Variants in NR5A2 observed in about 807,000 individuals in gnomAD.
The protein encoded by NR5A2 is nuclear receptor subfamily 5 group A member 2, also known as CYP7A promoter-binding factor.
NR5A2 carries 26 observed loss-of-function variants against 62.7 expected under a neutral mutation model. That is an observed-to-expected ratio of 0.41 (90% CI 0.30 to 0.58). The LOEUF is 0.58. Among genes scored for constraint, NR5A2 ranks in the 20% least tolerant of loss-of-function variants. NR5A2 has a pLI of 0.22. For synonymous variants in NR5A2, 246 were observed against 241.7 expected (o/e 1.02, Z -0.16); for missense variants, 541 against 669.1 (o/e 0.81, Z 2.11).
intron 5 of NR5A2, among the ~76,000 whole-genome samples, chr1:200,096,579 T>G (rs1419695004): frequency 2.0e-5 from 3 of 152,176 alleles, no homozygotes. Context: ...TTGGCTGAAT[T>G]ACCTTATTGT....
intron 5 of NR5A2, among the ~76,000 whole-genome samples, chr1:200,109,793 C>G (rs1665854149): frequency 6.6e-6 from 1 of 152,192 alleles, no homozygotes; most frequent in African/African-American, 2.4e-5. Context: ...GAGATGGAAT[C>G]TTGCTCTGTC....
intron 5 of NR5A2, among the ~76,000 whole-genome samples, chr1:200,061,506 G>A (rs936444318): frequency 1.3e-5 from 2 of 152,016 alleles, no homozygotes; most frequent in Non-Finnish European, 2.9e-5. Flanking sequence ...TTGAACTCCC[G>A]ACCTCAGGTG....
intron 5 of NR5A2, among the ~76,000 whole-genome samples, chr1:200,068,127 C>T (rs920699516): frequency 6.6e-6 from 1 of 152,064 alleles, no homozygotes; most frequent in Non-Finnish European, 1.5e-5. Flanking sequence ...TAAGCTTTAT[C>T]TTCAATTCTT....
chr1:200,096,796 C>T (rs1385457217), intron 5 of NR5A2, among the ~76,000 whole-genome samples: 1 of 152,156 alleles, frequency 6.6e-6, no homozygotes, highest in South Asian at 2.1e-4. Context: ...AACACAAATA[C>T]TTACCATTAT....
chr1:200,121,001 A>G (rs749119295), intron 7 of NR5A2, 46 bp downstream of exon 7: 9 of 1,602,812 alleles, frequency 5.6e-6, no homozygotes, highest in Non-Finnish European at 6.8e-6. Flanking sequence ...CGATTGCTAA[A>G]TGATGTTGAA....
rs1060061 is a variant in NR5A2, at chr1:200,174,314, T to C, written c.*104T>C. 662,147 of 1,206,380 alleles carry C rather than the reference T, an allele frequency of 0.55. 187,440 individuals are homozygous for C. Among genetic ancestry groups the C allele is most frequent in the African/African-American group, 0.67 (43,536 of 65,088 alleles). 74.7% of individuals were successfully genotyped at this position (1,206,380 alleles called of 1,614,324 possible). A position where few individuals can be genotyped will look rare whatever the true frequency, so the allele number is the denominator to read the frequency against. On this transcript the variant is annotated 3_prime_UTR_variant, in exon 8 of 8. Transcript: ENST00000367362. ...AAAAAGTACTCTGAACTGCTCCAAGTAACGCTAATTAAAAACTTGCTTTAA... is the reference window on the plus strand; with the variant it reads ...AAAAAGTACTCTGAACTGCTCCAAGCAACGCTAATTAAAAACTTGCTTTAA...
intron 7 of NR5A2, among the ~76,000 whole-genome samples, chr1:200,149,620 C>G (rs960254727): frequency 1.3e-5 from 2 of 152,200 alleles, no homozygotes; most frequent in Non-Finnish European, 2.9e-5. Context: ...AACCTGACAG[C>G]TGTCAGCAGT....
At chr1:200,042,204 CTT>C (rs1662123230) in intron 2 of NR5A2, among the ~76,000 whole-genome samples, 1 of 151,980 alleles carries the variant, frequency 6.6e-6, no homozygotes, top group South Asian at 2.1e-4. Flanking sequence ...TCTGGAGCCT[CTT>C]TTCTCGGAAT....
At chr1:200,073,261 T>TATATA in intron 5 of NR5A2, among the ~76,000 whole-genome samples, 1 of 95,624 alleles carries the variant, frequency 1.0e-5, no homozygotes, top group African/African-American at 4.8e-5. Flanking sequence ...TATATATATA[T>TATATA]TCCCCTTTAT....
chr1:200,109,536 G>GT (rs1455416323), intron 5 of NR5A2, among the ~76,000 whole-genome samples: 19 of 152,054 alleles, frequency 1.2e-4, no homozygotes, highest in Admixed American at 4.6e-4. Context: ...TCAAATCCTT[G>GT]TTTTTGCTCT....
chr1:200,115,837 G>A (rs549529658), intron 6 of NR5A2, among the ~76,000 whole-genome samples: 1 of 152,090 alleles, frequency 6.6e-6, no homozygotes, highest in Admixed American at 6.6e-5. Context: ...CCCCTAAAGT[G>A]AGGATATTTG....
At position 200,048,551 on chromosome 1, in the gene NR5A2, C is replaced by CA; in HGVS notation, c.843_844insA (p.Glu282ArgfsTer11). 6.2e-7 allele frequency: 1 copy of CA among 1,614,162 alleles called. No homozygotes were observed. Among genetic ancestry groups the CA allele is most frequent in the Non-Finnish European group, 8.5e-7 (1 of 1,180,040 alleles). On this transcript the variant is annotated frameshift_variant, in exon 5 of 8. Transcript: ENST00000367362. LOFTEE classifies it high-confidence loss of function. The surrounding 1 kb of genome is among the most constrained non-coding windows in gnomAD (Gnocchi z 4.8). ...ACCCAGACCCCTATACCAGCTCACCCGAGTCCATAATGGGCTATTCATATA... is the reference window on the plus strand; with the variant it reads ...ACCCAGACCCCTATACCAGCTCACCCAGAGTCCATAATGGGCTATTCATATA...
At chr1:200,082,745 T>G (rs1345214434) in intron 5 of NR5A2, among the ~76,000 whole-genome samples, 1 of 152,182 alleles carries the variant, frequency 6.6e-6, no homozygotes, top group Non-Finnish European at 1.5e-5. Flanking sequence ...AATGTTGATC[T>G]GAATAATTGA....
At chr1:200,154,393 G>A (rs892971719) in intron 7 of NR5A2, among the ~76,000 whole-genome samples, 1 of 152,198 alleles carries the variant, frequency 6.6e-6, no homozygotes, top group Non-Finnish European at 1.5e-5. Context: ...TGCAGTGTGG[G>A]AGGGAACCTG....
At chr1:200,148,974 A>G (rs973356527) in intron 7 of NR5A2, among the ~76,000 whole-genome samples, 2 of 146,604 alleles carry the variant, frequency 1.4e-5, no homozygotes, top group Admixed American at 1.4e-4. Context: ...GTGCAGTGGC[A>G]CAATCTCAAC....
At chr1:200,077,053 G>A (rs1230566533) in intron 5 of NR5A2, among the ~76,000 whole-genome samples, 1 of 152,130 alleles carries the variant, frequency 6.6e-6, no homozygotes, top group Non-Finnish European at 1.5e-5. Flanking sequence ...AGCGTTTAAG[G>A]CATAATATCT....
chr1:200,173,693 G>C (rs1191365795), intron 7 of NR5A2, among the ~76,000 whole-genome samples: 2 of 152,138 alleles, frequency 1.3e-5, no homozygotes, highest in African/African-American at 4.8e-5. Context: ...CCTTTTGTAA[G>C]ATATGAAAAG....
At position 200,147,431 on chromosome 1, in the gene NR5A2, T is replaced by C; in HGVS notation, c.1378+26476T>C. On this transcript the variant is annotated intron_variant, in intron 7 of 7. Coordinates refer to ENST00000367362, the MANE Select transcript of NR5A2 (RefSeq NM_205860.3). This position sits in a 1 kb window ranked among gnomAD's most constrained non-coding sequence, Gnocchi z 4.9. ...GGGCGAGATGCAGGCAGCTTATCTG[T>C]TTATGGGGCTGCCTCCTCCAGTACA... 1 of 500,468 alleles carries C rather than the reference T, an allele frequency of 2.0e-6. No individual in the cohort carries two copies. The highest frequency in any genetic ancestry group is 1.7e-5 in the South Asian group (1 of 60,530). 31.0% of individuals were successfully genotyped at this position (500,468 alleles called of 1,614,324 possible).
At chr1:200,160,351 G>A (rs1166017351) in intron 7 of NR5A2, among the ~76,000 whole-genome samples, 1 of 152,160 alleles carries the variant, frequency 6.6e-6, no homozygotes, top group Non-Finnish European at 1.5e-5. Context: ...TCTGAAGATA[G>A]CACCTTGTCC....
Sources: allele counts gnomAD v4.1 joint callset (sites outside exome capture counted in the v4.1 genomes callset), GRCh38; gene constraint gnomAD v4.1.1; non-coding constraint Gnocchi (gnomAD v3.1); transcripts MANE v1.5; gene names NCBI Gene and HGNC (gene_info 2026-07-23, HGNC 2026-07-21).